The following PRKACA variants were observed in gnomAD, a reference collection of about 807,000 sequenced individuals.
PRKACA encodes the protein cAMP-dependent protein kinase catalytic subunit alpha.
A neutral mutation model predicts 45.8 loss-of-function variants in PRKACA; 9 were observed. The observed-to-expected ratio is 0.20, with a 90% CI of 0.12 to 0.34. The LOEUF is 0.34. PRKACA is among the 10% of genes least tolerant of loss of function. The probability of loss-of-function intolerance (pLI) is 1.00; values close to 1 mark genes in which losing one functional copy is unlikely to be tolerated. For missense variants in PRKACA, 238 were observed against 458.6 expected (o/e 0.52, Z 4.39); for synonymous variants, 160 against 178.6 (o/e 0.90, Z 0.83).
At chr19:14,106,983 G>A (rs1166827238) in intron 2 of PRKACA, 95 bp from the exon 3 acceptor site, 2 of 1,510,258 alleles carry the variant, frequency 1.3e-6, no homozygotes, top group Admixed American at 2.2e-5. Context: ...GGCAGAGGGG[G>A]CCCCGGGGAG....
At position 14,097,524 on chromosome 19, in the gene PRKACA, G is replaced by C. The variant is rs761997862; in HGVS notation, c.643-41C>G. ...GGGGCACAGGGTGAGGAGGAGGCGA[G>C]AGCAGGAGAGCAGAGCCGGCCTCAG... is the stretch of plus-strand genomic sequence containing the variant. On this transcript the variant is annotated intron_variant, in intron 7 of 9. Coordinates refer to ENST00000308677, the MANE Select transcript of PRKACA (RefSeq NM_002730.4). The surrounding 1 kb of genome is among the most constrained non-coding windows in gnomAD (Gnocchi z 5.4). The C allele has an allele frequency of 4.3e-6, 7 of 1,613,700 alleles. No homozygotes were observed. Among genetic ancestry groups the C allele is most frequent in the East Asian group, 4.5e-5 (2 of 44,878 alleles).
chr19:14,115,329 T>G (rs1004845001), intron 1 of PRKACA, among the ~76,000 whole-genome samples: 6 of 152,214 alleles, frequency 3.9e-5, no homozygotes, highest in Non-Finnish European at 8.8e-5. Flanking sequence ...AGTAAAACTT[T>G]TATTATTTTA....
intron 4 of PRKACA, among the ~76,000 whole-genome samples, chr19:14,102,523 G>A (rs144273348): frequency 6.6e-6 from 1 of 152,284 alleles, no homozygotes; most frequent in East Asian, 1.9e-4. Flanking sequence ...GGCAGAGTTT[G>A]TGCTCCTGGG....
chr19:14,104,445 C>A (rs1015543481), intron 3 of PRKACA, among the ~76,000 whole-genome samples: 2 of 151,604 alleles, frequency 1.3e-5, no homozygotes, highest in African/African-American at 4.8e-5. Context: ...GCCTGTAATC[C>A]CAGCACTTTG....
chr19:14,097,288 C>T lies in PRKACA; in HGVS notation c.765+73G>A. Reference sequence around the variant, plus strand: ...ATTATTCTGACAACAAGCAGGGCTCCCCAGGGAATAGGATGGGTGAGCAGG... The same window carrying T: ...ATTATTCTGACAACAAGCAGGGCTCTCCAGGGAATAGGATGGGTGAGCAGG... On this transcript the variant is annotated intron_variant, in intron 8 of 9. Coordinates refer to ENST00000308677, the MANE Select transcript of PRKACA (RefSeq NM_002730.4). The surrounding 1 kb of genome is among the most constrained non-coding windows in gnomAD (Gnocchi z 5.4). The T allele has an allele frequency of 1.2e-6, 2 of 1,603,824 alleles. No individual in the cohort carries two copies. The highest frequency in any genetic ancestry group is 1.7e-6 in the Non-Finnish European group (2 of 1,171,904).
chr19:14,101,396 C>T (rs1435796276), intron 4 of PRKACA: 2 of 161,894 alleles, frequency 1.2e-5, no homozygotes, highest in Admixed American at 5.9e-5. Flanking sequence ...TAGTGAGACC[C>T]CGTCTCTGCA....
chr19:14,103,621 G>C (rs979827132), intron 3 of PRKACA, among the ~76,000 whole-genome samples: 9 of 152,218 alleles, frequency 5.9e-5, no homozygotes, highest in African/African-American at 2.2e-4. Flanking sequence ...GCTGTCAACT[G>C]CTTTGCTCAC....
intron 1 of PRKACA, among the ~76,000 whole-genome samples, chr19:14,117,195 A>G (rs1174777351): frequency 6.7e-6 from 1 of 149,316 alleles, no homozygotes; most frequent in African/African-American, 2.5e-5. Flanking sequence ...AGGGGCCAGG[A>G]AAGGAGGGGG....
At chr19:14,117,425 GA>G in intron 1 of PRKACA, 76 bp downstream of exon 1, 2 of 1,228,392 alleles carry the variant, frequency 1.6e-6, no homozygotes, top group Non-Finnish European at 2.0e-6. Flanking sequence ...CCCGTAGGGG[GA>G]GGGGCCAGGC....
intron 1 of PRKACA, chr19:14,112,138 G>A (rs1284511432): frequency 6.5e-6 from 1 of 152,966 alleles, no homozygotes; most frequent in Non-Finnish European, 1.5e-5. Context: ...TTTGGGGATG[G>A]GGCATGGGGG....
intron 3 of PRKACA, among the ~76,000 whole-genome samples, chr19:14,105,784 C>T (rs925622949): frequency 6.6e-6 from 1 of 152,174 alleles, no homozygotes; most frequent in East Asian, 1.9e-4. Context: ...TTTAAAATTG[C>T]TTCTGTGGCT....
chr19:14,096,612 A>T (rs1476481215), intron 8 of PRKACA: 2 of 154,858 alleles, frequency 1.3e-5, no homozygotes, highest in African/African-American at 2.4e-5. Flanking sequence ...AAGTCGGGGG[A>T]TGGTCGGGTC....
At chr19:14,115,976 C>T (rs968991420) in intron 1 of PRKACA, among the ~76,000 whole-genome samples, 2 of 152,164 alleles carry the variant, frequency 1.3e-5, no homozygotes, top group Admixed American at 1.3e-4. Context: ...ATTTCCCTCC[C>T]CAGCCCCCAC....
chr19:14,102,940 G>C, intron 3 of PRKACA, 26 bp from the exon 4 acceptor site: 1 of 1,569,758 alleles, frequency 6.4e-7, no homozygotes, highest in East Asian at 2.2e-5. Context: ...GGGGAGGGCA[G>C]AAAGGAGGGG....
At chr19:14,101,710 A>G (rs982641521) in intron 4 of PRKACA, among the ~76,000 whole-genome samples, 1 of 148,428 alleles carries the variant, frequency 6.7e-6, no homozygotes, top group East Asian at 2.0e-4. Context: ...AAAAATACAA[A>G]ATTAGCCAGA....
chr19:14,101,039 T>C (rs1766111659), intron 4 of PRKACA, 131 bp from the exon 5 acceptor site: 1 of 772,222 alleles, frequency 1.3e-6, no homozygotes, highest in Non-Finnish European at 2.2e-6. Context: ...GTAGGAATCA[T>C]GTTCTACAGG....
Position 14,100,867 on chromosome 19 carries a change from G to A in PRKACA, c.378C>T (p.Gly126=), listed in dbSNP as rs1455651851. 22 of 1,613,956 alleles carry A rather than the reference G, an allele frequency of 1.4e-5. No individual in the cohort carries two copies. The highest frequency in any genetic ancestry group is 6.7e-5 in the African/African-American group (5 of 74,922). The change falls in exon 5 of 10, where the codon GGC becomes GGT. Residue 126 remains glycine (G), a synonymous_variant. Transcript: ENST00000308677. Reference sequence around the variant, plus strand: ...GCCGTAGGTGTGAGAACATCTCCCCGCCGGGCACGTACTCCATGACCATGT... The same window carrying A: ...GCCGTAGGTGTGAGAACATCTCCCCACCGGGCACGTACTCCATGACCATGT... The part of the protein sequence containing the change: ...NLYMVMEYVP[G]GEMFSHLRRI...
At chr19:14,107,159 T>C (rs1403892295) in intron 2 of PRKACA, among the ~76,000 whole-genome samples, 189 bp downstream of exon 2, 2 of 47,330 alleles carry the variant, frequency 4.2e-5, no homozygotes, top group Non-Finnish European at 8.8e-5. Context: ...GGTGGTGGGA[T>C]GGGGGTGCCT....
chr19:14,093,527 C>T (rs1977156049), intron 9 of PRKACA, 101 bp downstream of exon 9: 1 of 1,434,500 alleles, frequency 7.0e-7, no homozygotes, highest in Non-Finnish European at 9.5e-7. Context: ...CTCTAGGTTG[C>T]TCCTGAACCT....
Sources: allele counts gnomAD v4.1 joint callset (sites outside exome capture counted in the v4.1 genomes callset), GRCh38; gene constraint gnomAD v4.1.1; non-coding constraint Gnocchi (gnomAD v3.1); transcripts MANE v1.5; gene names NCBI Gene and HGNC (gene_info 2026-07-23, HGNC 2026-07-21).